Variants in ZNG1E observed in about 807,000 individuals in gnomAD.
The protein encoded by ZNG1E is zinc-regulated GTPase metalloprotein activator 1E.
chr9:65,714,093 C>T, the ZNG1E span, among the ~76,000 whole-genome samples: 1 of 149,486 alleles, frequency 6.7e-6, no homozygotes, highest in Non-Finnish European at 1.5e-5. Flanking sequence ...CTTCTTGCTT[C>T]ATTTCATTCA....
the ZNG1E span, among the ~76,000 whole-genome samples, chr9:65,657,734 CAA>C: frequency 1.3e-5 from 2 of 152,254 alleles, no homozygotes; most frequent in African/African-American, 4.8e-5. Context: ...GTTAGTTACA[CAA>C]AAAAAGGATA....
chr9:65,684,811 G>A, the ZNG1E span, among the ~76,000 whole-genome samples: 1 of 152,204 alleles, frequency 6.6e-6, no homozygotes, highest in African/African-American at 2.4e-5. Context: ...GGATATTGTG[G>A]GCTTAGTTCC....
the ZNG1E span, among the ~76,000 whole-genome samples, chr9:65,660,849 A>G: frequency 2.8e-5 from 4 of 143,534 alleles, no homozygotes; most frequent in African/African-American, 5.1e-5. Context: ...ATATATATAT[A>G]TATATAAAAT....
At chr9:65,680,381 TC>T in the ZNG1E span, among the ~76,000 whole-genome samples, 4 of 152,228 alleles carry the variant, frequency 2.6e-5, no homozygotes, top group African/African-American at 7.2e-5. Context: ...ACTGTTTTTT[TC>T]ATCATCTTAT....
the ZNG1E span, chr9:65,719,843 T>A: frequency 6.8e-4 from 607 of 895,016 alleles, 12 homozygotes; most frequent in African/African-American, 9.1e-3. Context: ...TGAATGTGTG[T>A]TTTTTTTAAG....
At chr9:65,702,211 A>T in the ZNG1E span, among the ~76,000 whole-genome samples, 1 of 151,698 alleles carries the variant, frequency 6.6e-6, no homozygotes, top group African/African-American at 2.4e-5. Context: ...AGCCTTACCC[A>T]TGAGAACAAC....
the ZNG1E span, among the ~76,000 whole-genome samples, chr9:65,699,968 G>C: frequency 4.6e-3 from 683 of 147,834 alleles, no homozygotes; most frequent in Non-Finnish European, 5.9e-3. Flanking sequence ...TGTAGCGCAA[G>C]AGTAGCAAGT....
chr9:65,683,806 C>T, the ZNG1E span, among the ~76,000 whole-genome samples: 1 of 152,260 alleles, frequency 6.6e-6, no homozygotes, highest in Non-Finnish European at 1.5e-5. Context: ...CTATTTTGGT[C>T]CTTATAGTAA....
the ZNG1E span, among the ~76,000 whole-genome samples, chr9:65,659,069 G>A: frequency 3.3e-5 from 5 of 152,192 alleles, no homozygotes; most frequent in African/African-American, 1.2e-4. Flanking sequence ...TGGAAACAAA[G>A]TGAAAATCCT....
the ZNG1E span, chr9:65,677,035 T>G: frequency 5.5e-5 from 21 of 384,014 alleles, no homozygotes; most frequent in African/African-American, 1.9e-4. Context: ...AACTGCTTTT[T>G]TTTTTAAAAA....
chr9:65,693,661 G>A, the ZNG1E span, among the ~76,000 whole-genome samples: 4 of 149,764 alleles, frequency 2.7e-5, no homozygotes, highest in East Asian at 3.9e-4. Context: ...AGGTTCAAGC[G>A]ATTCCCTTGT....
At chr9:65,671,679 G>C in the ZNG1E span, among the ~76,000 whole-genome samples, 1 of 152,084 alleles carries the variant, frequency 6.6e-6, no homozygotes, top group Non-Finnish European at 1.5e-5. Flanking sequence ...GTAAGGGATA[G>C]AGCAGAGGGG....
the ZNG1E span, among the ~76,000 whole-genome samples, chr9:65,685,282 A>T: frequency 6.6e-6 from 1 of 152,270 alleles, no homozygotes; most frequent in East Asian, 1.9e-4. Context: ...TGGGGTGGCT[A>T]TGGCAATTTC....
chr9:65,672,210 AT>A, the ZNG1E span, among the ~76,000 whole-genome samples: 1 of 151,362 alleles, frequency 6.6e-6, no homozygotes, highest in East Asian at 1.9e-4. Flanking sequence ...GGGATAATGC[AT>A]TTAATGTGCT....
the ZNG1E span, among the ~76,000 whole-genome samples, chr9:65,657,986 C>T: frequency 1.3e-5 from 2 of 152,242 alleles, no homozygotes; most frequent in Non-Finnish European, 2.9e-5. Context: ...GTAATCCAAG[C>T]TACTCGGGAG....
chr9:65,671,605 C>A, the ZNG1E span, among the ~76,000 whole-genome samples: 2 of 152,226 alleles, frequency 1.3e-5, no homozygotes, highest in African/African-American at 4.8e-5. Context: ...CAGGCATGAG[C>A]CACTGTGTCT....
At chr9:65,709,117 T>C in the ZNG1E span, among the ~76,000 whole-genome samples, 1 of 147,680 alleles carries the variant, frequency 6.8e-6, no homozygotes, top group South Asian at 2.1e-4. Flanking sequence ...GAAGTTTTAC[T>C]AATTGGTTGT....
At chr9:65,717,828 T>C in the ZNG1E span, among the ~76,000 whole-genome samples, 1 of 145,088 alleles carries the variant, frequency 6.9e-6, no homozygotes, top group Non-Finnish European at 1.5e-5. Context: ...GCTGGGACTA[T>C]AGGCACGCAC....
the ZNG1E span, among the ~76,000 whole-genome samples, chr9:65,680,709 T>G: frequency 3.3e-5 from 5 of 152,258 alleles, no homozygotes; most frequent in African/African-American, 9.6e-5. Context: ...GTAATTCTTA[T>G]AGATAACAAG....
Sources: gnomAD v4.1 joint callset for allele counts (sites outside exome capture counted in the v4.1 genomes callset) on GRCh38, gnomAD v4.1.1 for gene constraint, MANE v1.5 for transcripts, NCBI Gene and HGNC (gene_info 2026-07-23, HGNC 2026-07-21) for gene names.